Variants in SHROOM3 observed in about 807,000 individuals in gnomAD.
The protein encoded by SHROOM3 is protein Shroom3.
In SHROOM3, 47 loss-of-function variants were observed where a neutral mutation model predicts 138.6. That is an observed-to-expected ratio of 0.34 (90% CI 0.27 to 0.43). SHROOM3 has a LOEUF of 0.43. SHROOM3 is among the 20% of genes least tolerant of loss of function. The pLI is 1.00. For missense variants in SHROOM3, 2,491 were observed against 2,596.5 expected, an observed-to-expected ratio of 0.96 and a Z score of 0.88; for synonymous variants, 1,062 against 1,063.3, an observed-to-expected ratio of 1.00 and a Z score of 0.02.
In SHROOM3 at chr4:76,771,346, CCA is replaced by C. The variant is rs547098410; in HGVS notation, c.5622+449_5622+450del. 4.5e-3 allele frequency among the ~76,000 whole-genome samples: 688 copies of C among 151,728 alleles called. 3 individuals carry two copies. The highest frequency in any genetic ancestry group is 5.0e-3 in the Non-Finnish European group (342 of 67,882). ...TGAGCCGAGATCACGCCACTGCACT[CCA>C]GACTGGGCGACCACATCAAAAAAAA... is the stretch of plus-strand genomic sequence containing the variant. On this transcript the variant is annotated intron_variant, in intron 10 of 10. Transcript: ENST00000296043.
chr4:76,666,917 A>G (rs1277425590), intron 2 of SHROOM3, among the ~76,000 whole-genome samples: 2 of 152,362 alleles, frequency 1.3e-5, no homozygotes. Context: ...ATCCTGTTAC[A>G]GAATATGACA....
chr4:76,543,997 G>A (rs145203714), intron 1 of SHROOM3, among the ~76,000 whole-genome samples: 7 of 152,242 alleles, frequency 4.6e-5, no homozygotes, highest in East Asian at 1.9e-4. Flanking sequence ...TTCTCTAATC[G>A]TGGATTTCAA....
chr4:76,769,617 G>C (rs777712176), intron 9 of SHROOM3, among the ~76,000 whole-genome samples: 3 of 152,198 alleles, frequency 2.0e-5, no homozygotes, highest in Admixed American at 6.5e-5. Context: ...ACTGGAGACA[G>C]GGGAGGTAGA....
chr4:76,519,967 TTAATGGATGTATTTGATTA>T (rs1346551348), intron 1 of SHROOM3, among the ~76,000 whole-genome samples: 1 of 152,182 alleles, frequency 6.6e-6, no homozygotes, highest in African/African-American at 2.4e-5. Flanking sequence ...GCTTGATGCT[TTAATGGATGTATTTGATTA>T]TAGACACACA....
At chr4:76,460,892 C>G (rs1314679291) in intron 1 of SHROOM3, among the ~76,000 whole-genome samples, 2 of 149,370 alleles carry the variant, frequency 1.3e-5, no homozygotes, top group African/African-American at 2.5e-5. Flanking sequence ...TACTTGAGAG[C>G]TGAGGTAGGA....
chr4:76,443,011 A>C (rs1353274725), intron 1 of SHROOM3, among the ~76,000 whole-genome samples: 2 of 152,236 alleles, frequency 1.3e-5, no homozygotes, highest in African/African-American at 2.4e-5. Flanking sequence ...TAAGGCAAGC[A>C]GGTTAAGTTG....
intron 4 of SHROOM3, among the ~76,000 whole-genome samples, chr4:76,737,184 T>C (rs934984486): frequency 5.3e-5 from 8 of 152,194 alleles, no homozygotes; most frequent in Admixed American, 3.9e-4. Flanking sequence ...ATATGGTTTG[T>C]AGCCTTTTCA....
chr4:76,476,901 A>G (rs913809320), intron 1 of SHROOM3, among the ~76,000 whole-genome samples: 2 of 152,222 alleles, frequency 1.3e-5, no homozygotes, highest in Admixed American at 1.3e-4. Context: ...AGTGTGGAGA[A>G]ATACATATTA....
chr4:76,438,003 T>A (rs1246856193), intron 1 of SHROOM3, among the ~76,000 whole-genome samples: 1 of 152,148 alleles, frequency 6.6e-6, no homozygotes, highest in African/African-American at 2.4e-5. Flanking sequence ...TCTACTTTAA[T>A]GGGTTGTGTT....
intron 2 of SHROOM3, among the ~76,000 whole-genome samples, chr4:76,567,072 C>T (rs1383540737): frequency 6.6e-6 from 1 of 152,200 alleles, no homozygotes; most frequent in Non-Finnish European, 1.5e-5. Context: ...TTTCTACTCC[C>T]CTCTTATTCT....
In SHROOM3 at chr4:76,493,840, A is replaced by G. The variant is rs537280406; in HGVS notation, c.168+57620A>G. Among the ~76,000 whole-genome samples, 246 of 152,194 alleles carry G rather than the reference A, an allele frequency of 1.6e-3. 1 individual carries two copies. The highest frequency in any genetic ancestry group is 5.1e-3 in the African/African-American group (210 of 41,514). ...CTAAAAATACAAAAATTAGCCGGGCATGGTGGTGGCCACCTGTAATCCCAG... is the reference window on the plus strand; with the variant it reads ...CTAAAAATACAAAAATTAGCCGGGCGTGGTGGTGGCCACCTGTAATCCCAG... On this transcript the variant is annotated intron_variant, in intron 1 of 10. Transcript: ENST00000296043.
intron 1 of SHROOM3, among the ~76,000 whole-genome samples, chr4:76,512,871 G>A (rs750120466): frequency 3.4e-4 from 52 of 152,216 alleles, no homozygotes; most frequent in Non-Finnish European, 5.3e-4. Flanking sequence ...AATGGTTAAT[G>A]TTTTGCTGAA....
intron 1 of SHROOM3, among the ~76,000 whole-genome samples, chr4:76,458,721 T>G (rs1447311127): frequency 6.6e-6 from 1 of 152,236 alleles, no homozygotes; most frequent in Non-Finnish European, 1.5e-5. Flanking sequence ...ACACACATAC[T>G]TTGGAAGTTC....
intron 1 of SHROOM3, among the ~76,000 whole-genome samples, chr4:76,529,270 G>A (rs1210466518): frequency 2.0e-5 from 3 of 152,034 alleles, no homozygotes; most frequent in Admixed American, 6.6e-5. Flanking sequence ...CTCTACTGTA[G>A]TCACTTATGT....
intron 1 of SHROOM3, among the ~76,000 whole-genome samples, chr4:76,494,018 A>G (rs1731911978): frequency 6.6e-6 from 1 of 152,178 alleles, no homozygotes; most frequent in South Asian, 2.1e-4. Context: ...ACTTTCTATG[A>G]TAGGCTGTCG....
chr4:76,643,170 C>T (rs1176994351), intron 2 of SHROOM3, among the ~76,000 whole-genome samples: 1 of 146,264 alleles, frequency 6.8e-6, no homozygotes, highest in Non-Finnish European at 1.5e-5. Context: ...GCCGAAATTG[C>T]ACCATTGTAC....
chr4:76,549,411 C>T (rs958600695), intron 1 of SHROOM3, among the ~76,000 whole-genome samples: 1 of 151,866 alleles, frequency 6.6e-6, no homozygotes, highest in Non-Finnish European at 1.5e-5. Flanking sequence ...CTCTGTTGCC[C>T]GGGCTGGAGT....
chr4:76,601,413 C>T (rs1560560277), intron 2 of SHROOM3, among the ~76,000 whole-genome samples: 1 of 152,200 alleles, frequency 6.6e-6, no homozygotes, highest in Non-Finnish European at 1.5e-5. Flanking sequence ...AGTTAAATAA[C>T]AGCTGTTGGG....
chr4:76,729,141 A>G (rs1263099720), intron 3 of SHROOM3, among the ~76,000 whole-genome samples: 1 of 152,206 alleles, frequency 6.6e-6, no homozygotes, highest in Non-Finnish European at 1.5e-5. Context: ...AATAGGTTCT[A>G]CTATAATCTG....
Sources: gnomAD v4.1 joint callset for allele counts (sites outside exome capture counted in the v4.1 genomes callset) on GRCh38, gnomAD v4.1.1 for gene constraint, MANE v1.5 for transcripts, NCBI Gene and HGNC (gene_info 2026-07-23, HGNC 2026-07-21) for gene names.